Variants in CAMK1D observed in about 807,000 individuals in gnomAD.
CAMK1D encodes the protein calcium/calmodulin dependent protein kinase ID.
In CAMK1D, 9 loss-of-function variants were observed where a neutral mutation model predicts 47.7. That is an observed-to-expected ratio of 0.19 (90% confidence interval 0.11 to 0.33). The LOEUF (loss-of-function observed/expected upper bound fraction) is 0.33, where lower values mean the gene tolerates loss of function less well. Among genes scored for constraint, CAMK1D ranks in the 10% least tolerant of loss-of-function variants. The probability of loss-of-function intolerance (pLI) is 1.00; values close to 1 mark genes in which losing one functional copy is unlikely to be tolerated. For synonymous variants in CAMK1D, 184 were observed against 184.9 expected, an observed-to-expected ratio of 0.99 and a Z score of 0.04; for missense variants, 291 against 488.7, an observed-to-expected ratio of 0.60 and a Z score of 3.81.
chr10:12,483,859 G>T (rs918795456), intron 1 of CAMK1D, among the ~76,000 whole-genome samples: 5 of 151,986 alleles, frequency 3.3e-5, no homozygotes, highest in African/African-American at 1.2e-4. Context: ...GCTAATTGTT[G>T]TATTTTTAGT....
intron 6 of CAMK1D, among the ~76,000 whole-genome samples, chr10:12,808,559 C>T (rs1047755387): frequency 3.9e-5 from 6 of 152,164 alleles, no homozygotes; most frequent in Admixed American, 2.0e-4. Flanking sequence ...GGGTGGGTCA[C>T]CTGAGGTCAG....
At chr10:12,699,294 C>T (rs1468224136) in intron 3 of CAMK1D, among the ~76,000 whole-genome samples, 1 of 152,142 alleles carries the variant, frequency 6.6e-6, no homozygotes, top group East Asian at 1.9e-4. Flanking sequence ...TTGCTGTTGA[C>T]CGGTCTGCTT....
chr10:12,557,502 A>G (rs1396912029), intron 2 of CAMK1D, among the ~76,000 whole-genome samples: 1 of 148,172 alleles, frequency 6.7e-6, no homozygotes. Context: ...AAGTGAGCCC[A>G]GATCGCGCCA....
At chr10:12,644,502 T>G (rs1343579034) in intron 2 of CAMK1D, among the ~76,000 whole-genome samples, 1 of 152,206 alleles carries the variant, frequency 6.6e-6, no homozygotes, top group Non-Finnish European at 1.5e-5. Flanking sequence ...TCAGTGCCTC[T>G]TCTCAGAGGT....
intron 6 of CAMK1D, among the ~76,000 whole-genome samples, chr10:12,803,349 G>GATC (rs1381536914): frequency 3.9e-5 from 6 of 152,186 alleles, no homozygotes; most frequent in Non-Finnish European, 7.3e-5. Flanking sequence ...ACTGCTCCAT[G>GATC]ATCAGCATTT....
chr10:12,691,394 TATATATATAAATATATATATA>T (rs1832903910), intron 3 of CAMK1D, among the ~76,000 whole-genome samples: 5 of 7,334 alleles, frequency 6.8e-4, no homozygotes, highest in East Asian at 6.0e-3. Flanking sequence ...TATATATATA[TATATATATAAATATATATATA>T]TATATATTTT....
chr10:12,723,481 A>G (rs945750874), intron 3 of CAMK1D, among the ~76,000 whole-genome samples: 35 of 152,176 alleles, frequency 2.3e-4, no homozygotes, highest in African/African-American at 8.0e-4. Context: ...AAGGAAGGTT[A>G]TCTACTGAAA....
chr10:12,608,155 G>C (rs1012793538), intron 2 of CAMK1D, among the ~76,000 whole-genome samples: 1 of 151,464 alleles, frequency 6.6e-6, no homozygotes, highest in East Asian at 2.0e-4. Context: ...ATGGTGGCTC[G>C]CGCCTGTAAT....
At chr10:12,742,886 C>G (rs1273416041) in intron 3 of CAMK1D, among the ~76,000 whole-genome samples, 1 of 152,134 alleles carries the variant, frequency 6.6e-6, no homozygotes, top group Non-Finnish European at 1.5e-5. Context: ...AGAGGAGAGC[C>G]CGCGTCAGAG....
At chr10:12,741,483 G>A (rs1835425649) in intron 3 of CAMK1D, among the ~76,000 whole-genome samples, 1 of 152,206 alleles carries the variant, frequency 6.6e-6, no homozygotes, top group South Asian at 2.1e-4. Flanking sequence ...TGTTTCCATG[G>A]ACAACAAATT....
chr10:12,584,642 A>T (rs56396691), intron 2 of CAMK1D, among the ~76,000 whole-genome samples: 8,596 of 152,168 alleles, frequency 0.056, 324 homozygotes, highest in East Asian at 0.15. Flanking sequence ...CAACATGGCA[A>T]AACCACAGCT....
rs916432922 is a variant in CAMK1D, at chr10:12,734,511, T to C, written c.300-26437T>C. 6.9e-5 allele frequency among the ~76,000 whole-genome samples: 10 copies of C among 144,996 alleles called. No individual in the cohort carries two copies. In the East Asian group the frequency reaches 1.2e-3, roughly 17 times the overall value. ...ATATGTATATATATACACACACACA[T>C]ATATATACACGTATATATATACACA... On this transcript the variant is annotated intron_variant, in intron 3 of 10. Coordinates refer to ENST00000619168, the MANE Select transcript of CAMK1D (RefSeq NM_153498.4).
chr10:12,531,345 A>C (rs973205248), intron 1 of CAMK1D, among the ~76,000 whole-genome samples: 4 of 152,198 alleles, frequency 2.6e-5, no homozygotes, highest in Non-Finnish European at 4.4e-5. Flanking sequence ...CCCAGAGTGC[A>C]TTCATCCCCC....
intron 1 of CAMK1D, among the ~76,000 whole-genome samples, chr10:12,487,710 A>C (rs1396854834): frequency 6.6e-6 from 1 of 152,226 alleles, no homozygotes; most frequent in Non-Finnish European, 1.5e-5. Context: ...CCTCAGAAAG[A>C]TGCAGTCTGT....
intron 2 of CAMK1D, among the ~76,000 whole-genome samples, chr10:12,569,860 C>A (rs1420897049): frequency 1.3e-5 from 2 of 151,876 alleles, no homozygotes; most frequent in African/African-American, 4.8e-5. Flanking sequence ...GTGGCAGTGA[C>A]CCTCCCGTAG....
intron 1 of CAMK1D, among the ~76,000 whole-genome samples, chr10:12,534,160 ATCTATCTG>A (rs1235966184): frequency 6.6e-6 from 1 of 151,036 alleles, no homozygotes; most frequent in Admixed American, 6.7e-5. Flanking sequence ...CTATCTATCT[ATCTATCTG>A]TCTATCTATC....
chr10:12,694,287 A>ATTATGTATAATATAT (rs1833132426), intron 3 of CAMK1D, among the ~76,000 whole-genome samples: 1 of 52,066 alleles, frequency 1.9e-5, no homozygotes, highest in African/African-American at 8.5e-5. Flanking sequence ...ACATAATATA[A>ATTATGTATAATATAT]AATATATATT....
chr10:12,542,817 G>A (rs367626000), intron 1 of CAMK1D, among the ~76,000 whole-genome samples: 12 of 151,432 alleles, frequency 7.9e-5, no homozygotes, highest in South Asian at 2.1e-4. Flanking sequence ...AACTCAGCTC[G>A]CTGCAACAAC....
At chr10:12,628,550 A>C (rs1012377081) in intron 2 of CAMK1D, among the ~76,000 whole-genome samples, 1 of 152,174 alleles carries the variant, frequency 6.6e-6, no homozygotes, top group African/African-American at 2.4e-5. Flanking sequence ...AGGGTGGTAC[A>C]TTTGTTATAA....
Sources: gnomAD v4.1 joint callset for allele counts (sites outside exome capture counted in the v4.1 genomes callset) on GRCh38, gnomAD v4.1.1 for gene constraint, MANE v1.5 for transcripts, NCBI Gene and HGNC (gene_info 2026-07-23, HGNC 2026-07-21) for gene names.